CCDC136: variants seen among roughly 807,000 people sequenced by gnomAD.
The protein encoded by CCDC136 is coiled-coil domain containing 136.
Under a neutral mutation model 141.2 loss-of-function variants are expected in CCDC136, and 100 were observed. The ratio of observed to expected loss-of-function variants is 0.71; its 90% CI spans 0.60 to 0.84. CCDC136 has a LOEUF of 0.84. Ranked by LOEUF, CCDC136 falls within the 40% of genes least tolerant of loss-of-function variation. The probability of loss-of-function intolerance (pLI) is 0.00; values close to 1 mark genes in which losing one functional copy is unlikely to be tolerated. For missense variants in CCDC136, 1,206 were observed against 1,379.4 expected (o/e 0.87, Z 1.99); for synonymous variants, 474 against 531.9 (o/e 0.89, Z 1.50).
chr7:128,817,946 C>A lies in CCDC136; in HGVS notation c.*5+82C>A. On this transcript the variant is annotated intron_variant, in intron 17 of 17. Coordinates refer to ENST00000297788, the MANE Select transcript of CCDC136 (RefSeq NM_022742.5). This position sits in a 1 kb window ranked among gnomAD's most constrained non-coding sequence, Gnocchi z 4.6. ...GGCCTCTCCTCTTTCCCTTTTCTCC[C>A]AGCTGCTTGCTTCTTGCTTGTGCCA... 2.0e-6 allele frequency: 2 copies of A among 1,008,436 alleles called. No individual in the cohort carries two copies. The highest frequency in any genetic ancestry group is 3.1e-6 in the Non-Finnish European group (2 of 651,260). The allele number at this position is 1,008,436 out of a possible 1,614,324, so 62.5% of individuals were successfully genotyped here. A position where few individuals can be genotyped will look rare whatever the true frequency, so the allele number is the denominator to read the frequency against.
intron 1 of CCDC136, among the ~76,000 whole-genome samples, chr7:128,793,592 T>A (rs1290042896): frequency 6.6e-6 from 1 of 152,012 alleles, no homozygotes; most frequent in Non-Finnish European, 1.5e-5. Flanking sequence ...ACCTGGATAG[T>A]TTTTGTTTGG....
At chr7:128,814,596 T>TA in intron 14 of CCDC136, 42 bp from the exon 15 acceptor site, 1 of 1,499,016 alleles carries the variant, frequency 6.7e-7, no homozygotes, top group Non-Finnish European at 8.9e-7. Flanking sequence ...ACTGGTTGCA[T>TA]AACCAGCCAA....
At chr7:128,806,984 C>A in intron 9 of CCDC136, 126 bp downstream of exon 9, 1 of 952,612 alleles carries the variant, frequency 1.0e-6, no homozygotes, top group Non-Finnish European at 1.5e-6. Context: ...CAAAGAGGTG[C>A]TTAGGAGAAA....
chr7:128,806,089 C>G (rs1804793416), intron 7 of CCDC136, 148 bp from the exon 8 acceptor site: 1 of 923,936 alleles, frequency 1.1e-6, no homozygotes, highest in Non-Finnish European at 1.6e-6. Flanking sequence ...GTGGTCATTA[C>G]TGAGTGTCCA....
intron 4 of CCDC136, among the ~76,000 whole-genome samples, chr7:128,802,304 T>C (rs1377050677): frequency 6.6e-6 from 1 of 152,134 alleles, no homozygotes; most frequent in African/African-American, 2.4e-5. Flanking sequence ...CTGAGTATAA[T>C]GGAGGTCCTA....
chr7:128,806,171 C>A, intron 7 of CCDC136, 66 bp from the exon 8 acceptor site: 2 of 1,406,508 alleles, frequency 1.4e-6, no homozygotes, highest in Non-Finnish European at 1.9e-6. Context: ...AGGAACCCAA[C>A]TGATCCGTAG....
rs762090004 is a variant in CCDC136 at position 128,807,378 on chromosome 7, C to G, written c.1438C>G (p.Gln480Glu). 1 of 1,551,488 alleles carries G rather than the reference C, an allele frequency of 6.4e-7. No individual in the cohort carries two copies. The highest frequency in any genetic ancestry group is 8.7e-7 in the Non-Finnish European group (1 of 1,148,762). The change falls in exon 10 of 18, where the codon CAG becomes GAG. Residue 480 changes from glutamine (Q) to glutamate (E), a missense_variant. Transcript: ENST00000297788. The stretch of plus-strand genomic sequence containing the variant: ...TGCCCAGGACACAGAGACGCACGCT[C>G]AGCTTCAGGAGATGAAGCAGCTGTA... ...SNEKDTETHAQLQEMKQLYQA... is the reference protein window; with the variant it reads ...SNEKDTETHAELQEMKQLYQA...
chr7:128,791,351 C>A (rs1802134598), upstream of CCDC136: 1 of 459,338 alleles, frequency 2.2e-6, no homozygotes, highest in South Asian at 9.1e-5. The surrounding 1 kb of genome is among the most constrained non-coding windows in gnomAD (Gnocchi z 7.1). Flanking sequence ...CGGCGGCGAG[C>A]GGCGGGGGGC....
intron 3 of CCDC136, among the ~76,000 whole-genome samples, chr7:128,796,739 A>ATATATATGTATATATATAT: frequency 8.8e-6 from 1 of 113,376 alleles, no homozygotes; most frequent in African/African-American, 4.6e-5. Flanking sequence ...ATATATATAT[A>ATATATATGTATATATATAT]TTCTTTTTTT....
chr7:128,799,936 A>G (rs73238124), intron 3 of CCDC136, among the ~76,000 whole-genome samples: 1,780 of 152,324 alleles, frequency 0.012, 11 homozygotes, highest in Non-Finnish European at 0.018. Flanking sequence ...CTCTTAACTC[A>G]TTATTTTGTA....
Position 128,801,096 on chromosome 7 carries a change from G to A in CCDC136, c.347-90G>A, listed in dbSNP as rs1346435629. The A allele has an allele frequency of 1.4e-5, 13 of 919,226 alleles. No homozygotes were observed. The African/African-American group carries it at 2.0e-4, about 14-fold the overall frequency. The allele number at this position is 919,226 out of a possible 1,614,324, so 56.9% of individuals were successfully genotyped here. Reference sequence around the variant, plus strand: ...AAGGTTTTCAGGACTTTGCAGACAAGAAATAAGTCTCCCTTTAATTTTGTG... The same window carrying A: ...AAGGTTTTCAGGACTTTGCAGACAAAAAATAAGTCTCCCTTTAATTTTGTG... On this transcript the variant is annotated intron_variant, in intron 3 of 17. Coordinates refer to ENST00000297788, the MANE Select transcript of CCDC136 (RefSeq NM_022742.5).
At chr7:128,802,686 A>G (rs542614875) in intron 4 of CCDC136, among the ~76,000 whole-genome samples, 3 of 152,260 alleles carry the variant, frequency 2.0e-5, no homozygotes, top group Middle Eastern at 3.2e-3. Context: ...TAATGTATCA[A>G]TATTTGATTC....
chr7:128,801,274 G>A lies in CCDC136; in HGVS notation c.435G>A (p.Leu145=). 6.2e-7 allele frequency: 1 copy of A among 1,613,874 alleles called. No homozygotes were observed. The highest frequency in any genetic ancestry group is 8.5e-7 in the Non-Finnish European group (1 of 1,179,828). The change falls in exon 4 of 18, where the codon TTG becomes TTA. Residue 145 remains leucine (L), a synonymous_variant. Coordinates refer to ENST00000297788, the MANE Select transcript of CCDC136 (RefSeq NM_022742.5). ...AGGAAATAGAACAGGAATTGCATTT[G>A]GCCCAGGCTGAGATCCAGAGTCTGC... The part of the protein sequence containing the change: ...ELKEIEQELH[L]AQAEIQSLRQ...
At position 128,812,702 on chromosome 7, in the gene CCDC136, C is replaced by A; in HGVS notation, c.2542-6C>A. ...GGTGCTATTGTTGCTCCCCCACCCC[C>A]CGCAGCGCTTTGAGGAAATGGTTGT... On this transcript the variant is annotated splice_polypyrimidine_tract_variant and splice_region_variant and intron_variant, in intron 13 of 17. Transcript: ENST00000297788. 6.2e-7 allele frequency: 1 copy of A among 1,610,016 alleles called. No individual in the cohort carries two copies. The highest frequency in any genetic ancestry group is 1.1e-5 in the South Asian group (1 of 90,326).
chr7:128,809,941 A>G (rs1229851385), intron 11 of CCDC136, among the ~76,000 whole-genome samples, 198 bp from the exon 12 acceptor site: 1 of 152,248 alleles, frequency 6.6e-6, no homozygotes, highest in Non-Finnish European at 1.5e-5. Flanking sequence ...ACTACAAAAT[A>G]TATCCCAACA....
rs114783740 is a variant in CCDC136, at chr7:128,795,823, G to C, written c.346+1055G>C. Among the ~76,000 whole-genome samples the C allele has an allele frequency of 1.1e-3, 165 of 152,242 alleles. 1 individual carries two copies. Among genetic ancestry groups the C allele is most frequent in the African/African-American group, 3.9e-3 (161 of 41,550 alleles). On this transcript the variant is annotated intron_variant, in intron 3 of 17. Transcript: ENST00000297788. ...TTATGAGGTGCCTTTATACTTGGAGGACCAGCTGTGAATGAGACAGACCAC... is the reference window on the plus strand; with the variant it reads ...TTATGAGGTGCCTTTATACTTGGAGCACCAGCTGTGAATGAGACAGACCAC...
At chr7:128,820,424 T>C (rs1807281989) in intron 17 of CCDC136, among the ~76,000 whole-genome samples, 1 of 152,204 alleles carries the variant, frequency 6.6e-6, no homozygotes, top group African/African-American at 2.4e-5. Context: ...ACACCAGCCC[T>C]TTCCCCATCC....
At chr7:128,814,257 T>C (rs561512531) in intron 14 of CCDC136, among the ~76,000 whole-genome samples, 4 of 152,078 alleles carry the variant, frequency 2.6e-5, no homozygotes, top group South Asian at 4.2e-4. Flanking sequence ...AGCGAATGTT[T>C]GTATTTTTAG....
chr7:128,815,090 C>T (rs1194073135), intron 15 of CCDC136, among the ~76,000 whole-genome samples, 171 bp downstream of exon 15: 1 of 152,206 alleles, frequency 6.6e-6, no homozygotes, highest in Non-Finnish European at 1.5e-5. Context: ...GCTCCCTTTT[C>T]CTGTGAAGTT....
Sources: gnomAD v4.1 joint callset for allele counts (sites outside exome capture counted in the v4.1 genomes callset) on GRCh38, gnomAD v4.1.1 for gene constraint, Gnocchi (gnomAD v3.1) non-coding constraint, MANE v1.5 for transcripts, NCBI Gene and HGNC (gene_info 2026-07-23, HGNC 2026-07-21) for gene names.